The following DCC variants were observed in gnomAD, a reference collection of about 807,000 sequenced individuals.
DCC encodes the protein DCC netrin 1 receptor.
DCC carries 58 observed loss-of-function variants against 172.5 expected under a neutral mutation model. That is an observed-to-expected ratio of 0.34 (90% CI 0.27 to 0.42). DCC has a LOEUF of 0.42. Among genes scored for constraint, DCC ranks in the 10% least tolerant of loss-of-function variants. The pLI, the probability that DCC is intolerant of heterozygous loss-of-function variation, is 1.00. For synonymous variants in DCC, 709 were observed against 644.5 expected, an observed-to-expected ratio of 1.10 and a Z score of -1.52; for missense variants, 1,740 against 1,791.0, an observed-to-expected ratio of 0.97 and a Z score of 0.51.
chr18:52,938,902 G>A (rs1367566650), intron 5 of DCC, among the ~76,000 whole-genome samples: 1 of 151,104 alleles, frequency 6.6e-6, no homozygotes, highest in Non-Finnish European at 1.5e-5. Flanking sequence ...TCATAACCTG[G>A]ACCAGTCCTA....
chr18:53,235,691 A>T (rs1003593782), intron 12 of DCC, among the ~76,000 whole-genome samples: 4 of 151,688 alleles, frequency 2.6e-5, no homozygotes, highest in Non-Finnish European at 5.9e-5. Context: ...GTATATTCAT[A>T]GTTTTGTAAC....
Position 53,467,724 on chromosome 18 carries a change from G to T in DCC, c.3620-170G>T, listed in dbSNP as rs143324030. Among the ~76,000 whole-genome samples the T allele has an allele frequency of 3.5e-3, 532 of 152,272 alleles. 2 individuals carry two copies. The highest frequency in any genetic ancestry group is 0.012 in the African/African-American group (501 of 41,560). ...GTATGCAATGAGTTTAGAGTTTATG[G>T]TTAATTTCATTAAGATTTGTACAAT... On this transcript the variant is annotated intron_variant, in intron 24 of 28. Transcript: ENST00000442544.
intron 2 of DCC, among the ~76,000 whole-genome samples, chr18:52,759,788 T>C (rs1227473422): frequency 2.0e-5 from 3 of 152,186 alleles, no homozygotes; most frequent in Non-Finnish European, 4.4e-5. Context: ...TGTTAATCTT[T>C]AACAAAACAC....
In DCC at chr18:52,778,176, G is replaced by A. The variant is rs148400056; in HGVS notation, c.412+25802G>A. ...AGGAAGAAATACACTATGTAGAGAC[G>A]TGAAAGAAGCTGCAAGTAAAGTTTT... On this transcript the variant is annotated intron_variant, in intron 2 of 28. Transcript: ENST00000442544. Among the ~76,000 whole-genome samples the A allele has an allele frequency of 2.8e-3, 419 of 152,288 alleles. 1 individual carries two copies. The highest frequency in any genetic ancestry group is 9.2e-3 in the African/African-American group (382 of 41,564).
chr18:52,754,519 C>T (rs116498824), intron 2 of DCC, among the ~76,000 whole-genome samples: 214 of 152,262 alleles, frequency 1.4e-3, no homozygotes, highest in African/African-American at 4.7e-3. Flanking sequence ...TACAATGAGA[C>T]GTCTGTAATC....
intron 13 of DCC, among the ~76,000 whole-genome samples, chr18:53,310,744 A>G (rs529458066): frequency 6.6e-6 from 1 of 152,294 alleles, no homozygotes; most frequent in Admixed American, 6.5e-5. Flanking sequence ...AAATAATAGC[A>G]TAGCAATTTT....
chr18:53,187,565 T>C (rs1191415255), intron 9 of DCC, among the ~76,000 whole-genome samples: 1 of 152,198 alleles, frequency 6.6e-6, no homozygotes, highest in South Asian at 2.1e-4. Context: ...AATTATCTGA[T>C]CTAACACTCC....
At chr18:53,392,261 A>T (rs915995857) in intron 17 of DCC, among the ~76,000 whole-genome samples, 1 of 151,738 alleles carries the variant, frequency 6.6e-6, no homozygotes, top group South Asian at 2.1e-4. Flanking sequence ...AGATTGATTT[A>T]CAAAGCGACC....
At chr18:52,584,935 A>T (rs998742123) in intron 1 of DCC, among the ~76,000 whole-genome samples, 2 of 152,216 alleles carry the variant, frequency 1.3e-5, no homozygotes, top group South Asian at 4.1e-4. Context: ...TCCTTTAGGA[A>T]TATTCTCAGT....
chr18:52,883,283 C>A (rs1909002767), intron 2 of DCC, among the ~76,000 whole-genome samples: 1 of 150,866 alleles, frequency 6.6e-6, no homozygotes, highest in Non-Finnish European at 1.5e-5. Flanking sequence ...GGACTTATTC[C>A]TGTCACTTTG....
chr18:53,131,953 A>AT (rs71175556), intron 7 of DCC, among the ~76,000 whole-genome samples: 8,244 of 58,110 alleles, frequency 0.14, 1,468 homozygotes, highest in Non-Finnish European at 0.18. Context: ...TCTCTAAGTG[A>AT]TTTTTTTTTT....
chr18:52,790,653 G>A (rs967785064), intron 2 of DCC, among the ~76,000 whole-genome samples: 16 of 152,194 alleles, frequency 1.1e-4, no homozygotes, highest in Non-Finnish European at 2.2e-4. Context: ...AGTTGTCAAA[G>A]AGGTACTGCT....
At chr18:53,098,831 G>T (rs2043123408) in intron 7 of DCC, among the ~76,000 whole-genome samples, 1 of 151,984 alleles carries the variant, frequency 6.6e-6, no homozygotes, top group African/African-American at 2.4e-5. Flanking sequence ...ACATACGGGA[G>T]ACCCCATCCC....
At chr18:52,727,510 G>C (rs1387188056) in intron 1 of DCC, among the ~76,000 whole-genome samples, 1 of 152,158 alleles carries the variant, frequency 6.6e-6, no homozygotes, top group African/African-American at 2.4e-5. Flanking sequence ...AGAAGAAAAT[G>C]ATCCACATTT....
intron 2 of DCC, among the ~76,000 whole-genome samples, chr18:52,782,115 C>A (rs1008094935): frequency 2.6e-5 from 4 of 152,130 alleles, no homozygotes; most frequent in African/African-American, 4.8e-5. Context: ...TCAGTTAATG[C>A]ATTTTCAGAG....
intron 1 of DCC, among the ~76,000 whole-genome samples, chr18:52,364,615 T>C (rs1294166489): frequency 6.6e-6 from 1 of 152,216 alleles, no homozygotes; most frequent in African/African-American, 2.4e-5. Flanking sequence ...AGCTTCCTCC[T>C]TAATACCACC....
rs186804151 is a variant in DCC at position 53,261,468 on chromosome 18, T to C, written c.1912-44110T>C. ...TCAATAAGGAGCTGGGTCATACTTA[T>C]GTCTTTCCTCTCCTCTGTCAGTCAG... On this transcript the variant is annotated intron_variant, in intron 12 of 28. Coordinates refer to ENST00000442544, the MANE Select transcript of DCC (RefSeq NM_005215.4). Among the ~76,000 whole-genome samples the C allele has an allele frequency of 6.8e-3, 1,037 of 152,266 alleles. 2 individuals are homozygous for C. The highest frequency in any genetic ancestry group is 0.012 in the Non-Finnish European group (785 of 68,018).
At chr18:53,019,768 T>C (rs2041854382) in intron 5 of DCC, among the ~76,000 whole-genome samples, 2 of 152,196 alleles carry the variant, frequency 1.3e-5, no homozygotes, top group Admixed American at 1.3e-4. Context: ...ACAGCTAGGG[T>C]CATTTGTTTA....
intron 2 of DCC, among the ~76,000 whole-genome samples, chr18:52,838,469 G>T (rs1005940296): frequency 6.6e-6 from 1 of 152,170 alleles, no homozygotes; most frequent in Non-Finnish European, 1.5e-5. Flanking sequence ...GATTGTACTG[G>T]CTGTGTCTTT....
Sources: gnomAD v4.1 joint callset for allele counts (sites outside exome capture counted in the v4.1 genomes callset) on GRCh38, gnomAD v4.1.1 for gene constraint, MANE v1.5 for transcripts, NCBI Gene and HGNC (gene_info 2026-07-23, HGNC 2026-07-21) for gene names.